SS18L1: variants seen among roughly 807,000 people sequenced by gnomAD.
SS18L1 encodes calcium-responsive transactivator.
In SS18L1, 32 loss-of-function variants were observed where a neutral mutation model predicts 70.3. The ratio of observed to expected loss-of-function variants is 0.46; its 90% CI spans 0.34 to 0.61. SS18L1 has a LOEUF of 0.61. SS18L1 is among the 20% of genes least tolerant of loss of function. SS18L1 has a pLI of 0.01. For synonymous variants in SS18L1, 237 were observed against 229.7 expected, an observed-to-expected ratio of 1.03 and a Z score of -0.29; for missense variants, 430 against 542.1, an observed-to-expected ratio of 0.79 and a Z score of 2.05.
At chr20:62,160,878 A>G (rs573741329) in intron 3 of SS18L1, among the ~76,000 whole-genome samples, 1 of 152,202 alleles carries the variant, frequency 6.6e-6, no homozygotes, top group African/African-American at 2.4e-5. Flanking sequence ...GCAGACCTCC[A>G]GAGCTGCTGG....
chr20:62,172,131 T>C (rs966605788), intron 8 of SS18L1, among the ~76,000 whole-genome samples: 33 of 147,694 alleles, frequency 2.2e-4, no homozygotes, highest in Admixed American at 1.8e-3. Context: ...GCCACTGCAC[T>C]CCAGCCTGGG....
chr20:62,162,682 G>T lies in SS18L1; in HGVS notation c.377-70G>T, dbSNP rs938051759. 58 of 1,495,616 alleles carry T rather than the reference G, an allele frequency of 3.9e-5. No homozygotes were observed. In the Middle Eastern group the frequency reaches 7.5e-4, roughly 19 times the overall value. The allele number at this position is 1,495,616 out of a possible 1,614,324, so 92.6% of individuals were successfully genotyped here. A position where few individuals can be genotyped will look rare whatever the true frequency, so the allele number is the denominator to read the frequency against. On this transcript the variant is annotated intron_variant, in intron 4 of 10. Transcript: ENST00000331758. ...CAAAGTCACTTGAAGGGAAATTGGG[G>T]TGTCTTCACCTTCAGAAGTGGTGAC...
chr20:62,163,440 C>T lies in SS18L1; in HGVS notation c.557-18C>T. ...GAGGCTTCCCGGGGTGATGTGGGGC[C>T]TCTGTCCTGTCGTTCAGTCTCCATG... On this transcript the variant is annotated intron_variant, in intron 5 of 10. Transcript: ENST00000331758. The T allele has an allele frequency of 1.2e-6, 2 of 1,611,642 alleles. No individual in the cohort carries two copies. Among genetic ancestry groups the T allele is most frequent in the Non-Finnish European group, 1.7e-6 (2 of 1,179,822 alleles).
At chr20:62,157,571 C>T (rs1032073545) in intron 1 of SS18L1, among the ~76,000 whole-genome samples, 2 of 152,180 alleles carry the variant, frequency 1.3e-5, no homozygotes, top group Admixed American at 6.5e-5. Context: ...GAGCACGTGG[C>T]GCCTGCAGAG....
rs2057293221 is a variant in SS18L1, at chr20:62,159,888, TC to T, written c.160del (p.Leu54CysfsTer30). On this transcript the variant is annotated frameshift_variant, in exon 3 of 11. Transcript: ENST00000331758. LOFTEE classifies it high-confidence loss of function. The surrounding 1 kb of genome is among the most constrained non-coding windows in gnomAD (Gnocchi z 4.4). ...KTAECTQYQQ[I>X]LHRNLVYLAT... ...CCCCTCTCCTGCAGGTACCAGCAGA[TC>T]CTGCACCGGAACCTGGTATACCTGG... 1 of 1,612,476 alleles carries T rather than the reference TC, an allele frequency of 6.2e-7. No homozygotes were observed. The highest frequency in any genetic ancestry group is 1.7e-5 in the Admixed American group (1 of 59,948).
chr20:62,158,903 A>C lies in SS18L1; in HGVS notation c.146+155A>C. 1 of 1,596,490 alleles carries C rather than the reference A, an allele frequency of 6.3e-7. No homozygotes were observed. The highest frequency in any genetic ancestry group is 8.5e-7 in the Non-Finnish European group (1 of 1,172,936). On this transcript the variant is annotated intron_variant, in intron 2 of 10. Transcript: ENST00000331758. This position sits in a 1 kb window ranked among gnomAD's most constrained non-coding sequence, Gnocchi z 4.5. ...CAGATATGTCCCAGGAGTCCCCTGC[A>C]CAGAGGCCAGATATGTCCCAGGAGT...
intron 10 of SS18L1, among the ~76,000 whole-genome samples, chr20:62,175,791 T>C (rs1207498103): frequency 6.6e-6 from 1 of 152,196 alleles, no homozygotes; most frequent in Non-Finnish European, 1.5e-5. Flanking sequence ...ACCAGGTAGA[T>C]GTAGAGAAGC....
chr20:62,166,172 C>T (rs538634190), intron 8 of SS18L1, among the ~76,000 whole-genome samples: 4 of 152,360 alleles, frequency 2.6e-5, no homozygotes, highest in South Asian at 2.1e-4. Context: ...AGTCCCACCC[C>T]GGGATAAAGA....
chr20:62,179,516 T>C lies in SS18L1; in HGVS notation c.*308T>C, dbSNP rs922869797. The C allele has an allele frequency of 1.3e-5, 6 of 475,662 alleles. No homozygotes were observed. Among genetic ancestry groups the C allele is most frequent in the Non-Finnish European group, 1.9e-5 (5 of 260,086 alleles). 29.5% of individuals were successfully genotyped at this position (475,662 alleles called of 1,614,324 possible). On this transcript the variant is annotated 3_prime_UTR_variant, in exon 11 of 11. Coordinates refer to ENST00000331758, the MANE Select transcript of SS18L1 (RefSeq NM_198935.3). ...CTAGCTAGCTTTGGGGGTCATTTTG[T>C]CATCAGAGCATTCTGTGCCCAGGGA...
In SS18L1 at chr20:62,174,486, G is replaced by A. The variant is rs372447785; in HGVS notation, c.1037-31G>A. 339 of 1,577,802 alleles carry A rather than the reference G, an allele frequency of 2.1e-4. No individual in the cohort carries two copies. The highest frequency in any genetic ancestry group is 2.7e-4 in the Non-Finnish European group (312 of 1,161,020). On this transcript the variant is annotated intron_variant, in intron 9 of 10. Transcript: ENST00000331758. This position sits in a 1 kb window ranked among gnomAD's most constrained non-coding sequence, Gnocchi z 4.1. ...AAAAAAGAAAGAGGTGTCCGTTTTG[G>A]CCGGCCTCACGGTTCCTGGTGTCTT...
rs867921424 is a variant in SS18L1, at chr20:62,159,342, C to T, written c.147-535C>T. ...CAGACTGACCTGGAGGTGGGAAGTG[C>T]GTGAATGGCCTCAGACACCCCTGGG... On this transcript the variant is annotated intron_variant, in intron 2 of 10. Transcript: ENST00000331758. This position sits in a 1 kb window ranked among gnomAD's most constrained non-coding sequence, Gnocchi z 4.4. Among the ~76,000 whole-genome samples, 13 of 152,178 alleles carry T rather than the reference C, an allele frequency of 8.5e-5. No individual in the cohort carries two copies. Among genetic ancestry groups the T allele is most frequent in the African/African-American group, 2.9e-4 (12 of 41,442 alleles).
In SS18L1 at chr20:62,159,786, C is replaced by G. The variant is rs551515650; in HGVS notation, c.147-91C>G. On this transcript the variant is annotated intron_variant, in intron 2 of 10. Transcript: ENST00000331758. The surrounding 1 kb of genome is among the most constrained non-coding windows in gnomAD (Gnocchi z 4.4). The stretch of plus-strand genomic sequence containing the variant: ...TCATGGGGTTTGGCTGGATGTCAGG[C>G]TGTCTTGTTCACACTTTACTTCTGC... 6 of 1,254,528 alleles carry G rather than the reference C, an allele frequency of 4.8e-6. No homozygotes were observed. The highest frequency in any genetic ancestry group is 3.0e-5 in the African/African-American group (2 of 67,518). 77.7% of individuals were successfully genotyped at this position (1,254,528 alleles called of 1,614,324 possible). A position where few individuals can be genotyped will look rare whatever the true frequency, so the allele number is the denominator to read the frequency against.
intron 1 of SS18L1, among the ~76,000 whole-genome samples, chr20:62,151,330 C>T (rs528984390): frequency 1.3e-5 from 2 of 152,320 alleles, no homozygotes; most frequent in South Asian, 4.1e-4. Flanking sequence ...CCAAGCCAAG[C>T]CCCGTGTCCC....
Position 62,146,133 on chromosome 20 carries a change from C to T in SS18L1, c.69+2244C>T, listed in dbSNP as rs115724692. 5.3e-3 allele frequency among the ~76,000 whole-genome samples: 812 copies of T among 152,320 alleles called. 15 individuals carry two copies. The highest frequency in any genetic ancestry group is 0.019 in the African/African-American group (769 of 41,562). ...AGGAGAAAGAGGTCTACACCTTGTC[C>T]TTACAGCATTCTGTGTGGGTGGAGA... On this transcript the variant is annotated intron_variant, in intron 1 of 10. Coordinates refer to ENST00000331758, the MANE Select transcript of SS18L1 (RefSeq NM_198935.3).
At chr20:62,165,804 C>T (rs780382455) in intron 8 of SS18L1, among the ~76,000 whole-genome samples, 3 of 151,080 alleles carry the variant, frequency 2.0e-5, no homozygotes, top group Non-Finnish European at 3.0e-5. Context: ...GTGGGGCCTG[C>T]GACAGGAAGG....
intron 4 of SS18L1, 64 bp from the exon 5 acceptor site, chr20:62,162,688 T>C: frequency 2.0e-6 from 3 of 1,529,974 alleles, no homozygotes; most frequent in Non-Finnish European, 2.6e-6. Flanking sequence ...TGGGGTGTCT[T>C]CACCTTCAGA....
At chr20:62,164,898 T>A (rs895540497) in intron 7 of SS18L1, among the ~76,000 whole-genome samples, 14 of 152,068 alleles carry the variant, frequency 9.2e-5, no homozygotes, top group African/African-American at 3.1e-4. Context: ...TGTCTCTAAA[T>A]AAAGTAAAAA....
Position 62,172,726 on chromosome 20 carries a change from G to A in SS18L1, c.961G>A (p.Ala321Thr), listed in dbSNP as rs36106901. 8.1e-3 allele frequency: 13,004 copies of A among 1,614,040 alleles called. 879 individuals carry two copies. In the African/African-American group the frequency reaches 0.15, roughly 18 times the overall value. The change falls in exon 9 of 11, where the codon GCC becomes ACC. Residue 321 changes from alanine to threonine, a missense_variant. Transcript: ENST00000331758. Reference sequence around the variant, plus strand: ...GCAGCAGGCCGGGTACCAGCAGGGTGCCGCGCAGCAGCAGACGTACTCCCA... The same window carrying A: ...GCAGCAGGCCGGGTACCAGCAGGGTACCGCGCAGCAGCAGACGTACTCCCA... Reference protein sequence around the residue: ...SQQQAGYQQGAAQQQTYSQQQ... With the variant: ...SQQQAGYQQGTAQQQTYSQQQ...
intron 1 of SS18L1, among the ~76,000 whole-genome samples, chr20:62,156,068 G>A (rs1028243257): frequency 3.3e-5 from 5 of 150,294 alleles, no homozygotes; most frequent in Admixed American, 1.3e-4. Flanking sequence ...GTGCTTCGTC[G>A]TGCGTACATA....
Sources: allele counts gnomAD v4.1 joint callset (sites outside exome capture counted in the v4.1 genomes callset), GRCh38; gene constraint gnomAD v4.1.1; non-coding constraint Gnocchi (gnomAD v3.1); transcripts MANE v1.5; gene names NCBI Gene and HGNC (gene_info 2026-07-23, HGNC 2026-07-21).